Variants in EFCAB5 observed in about 807,000 individuals in gnomAD.
The protein encoded by EFCAB5 is EF-hand calcium binding domain 5.
A neutral mutation model predicts 167.9 loss-of-function variants in EFCAB5; 131 were observed. The observed-to-expected ratio is 0.78, with a 90% confidence interval of 0.68 to 0.90. The LOEUF (loss-of-function observed/expected upper bound fraction) is 0.90, where lower values mean the gene tolerates loss of function less well. Ranked by LOEUF, EFCAB5 falls within the 40% of genes least tolerant of loss-of-function variation. The probability of loss-of-function intolerance (pLI) is 0.00; values close to 1 mark genes in which losing one functional copy is unlikely to be tolerated. For synonymous variants in EFCAB5, 574 were observed against 602.8 expected (o/e 0.95, Z 0.70); for missense variants, 1,663 against 1,745.2 (o/e 0.95, Z 0.84).
At chr17:30,078,525 T>C (rs1597778408) in intron 15 of EFCAB5, 21 bp downstream of exon 15, 6 of 1,532,980 alleles carry the variant, frequency 3.9e-6, no homozygotes, top group Admixed American at 4.4e-5. Context: ...TAAAGCAGTA[T>C]GTAAGAGGAA....
intron 22 of EFCAB5, among the ~76,000 whole-genome samples, chr17:30,098,935 C>T (rs2071342666): frequency 6.6e-6 from 1 of 152,170 alleles, no homozygotes; most frequent in Non-Finnish European, 1.5e-5. Context: ...TGGCTTCTTT[C>T]ACTCAGCATG....
intron 10 of EFCAB5, 66 bp from the exon 11 acceptor site, chr17:30,055,822 A>G (rs2151787366): frequency 7.2e-6 from 11 of 1,535,344 alleles, no homozygotes; most frequent in East Asian, 2.2e-5. Flanking sequence ...ATCACTTATT[A>G]ACCTTAAAAT....
rs569866137 is a variant in EFCAB5, at chr17:30,052,207, G to A, written c.1300+990G>A. Among the ~76,000 whole-genome samples, 10 of 152,072 alleles carry A rather than the reference G, an allele frequency of 6.6e-5. No homozygotes were observed. In the South Asian group the frequency reaches 1.5e-3, roughly 22 times the overall value. On this transcript the variant is annotated intron_variant, in intron 9 of 22. Transcript: ENST00000394835. ...TGAGACAGAGTCTCGCTCTGTTGCC[G>A]AGGCTGGAGTACAATGGCGCGATCT...
chr17:29,967,206 A>C (rs1444608347), intron 3 of EFCAB5, among the ~76,000 whole-genome samples: 1 of 152,214 alleles, frequency 6.6e-6, no homozygotes, highest in Non-Finnish European at 1.5e-5. Flanking sequence ...ACATTCTGTG[A>C]ATGTGTGCTT....
intron 19 of EFCAB5, 90 bp from the exon 20 acceptor site, chr17:30,090,331 G>C (rs747892706): frequency 1.2e-4 from 183 of 1,486,134 alleles, no homozygotes; most frequent in Non-Finnish European, 1.4e-4. Context: ...AAGTGAGGTA[G>C]GCACAAGAGA....
Position 30,104,989 on chromosome 17 carries a change from T to C in EFCAB5, c.4322-2845T>C, listed in dbSNP as rs372322217. Among the ~76,000 whole-genome samples the C allele has an allele frequency of 1.4e-4, 21 of 152,046 alleles. No individual in the cohort carries two copies. In the East Asian group the frequency reaches 2.5e-3, roughly 18 times the overall value. On this transcript the variant is annotated intron_variant, in intron 22 of 22. Coordinates refer to ENST00000394835, the MANE Select transcript of EFCAB5 (RefSeq NM_198529.4). Reference sequence around the variant, plus strand: ...CGTGGATGTTCAGATAAGAACACTGTGGCAGGGGTCAAAGGAACAGAGCTC... The same window carrying C: ...CGTGGATGTTCAGATAAGAACACTGCGGCAGGGGTCAAAGGAACAGAGCTC...
chr17:30,085,036 C>A (rs1271516372), intron 18 of EFCAB5, among the ~76,000 whole-genome samples: 1 of 152,176 alleles, frequency 6.6e-6, no homozygotes, highest in Non-Finnish European at 1.5e-5. Flanking sequence ...ACAGCTCTTC[C>A]TTATTACCAG....
At chr17:29,979,235 A>C (rs2068123071) in intron 4 of EFCAB5, among the ~76,000 whole-genome samples, 1 of 152,062 alleles carries the variant, frequency 6.6e-6, no homozygotes, top group East Asian at 1.9e-4. Flanking sequence ...CTGTAGTCCC[A>C]GCTACTCGAG....
At chr17:29,943,543 GA>G (rs1380841667) in intron 2 of EFCAB5, 21 bp from the exon 3 acceptor site, 5 of 1,545,282 alleles carry the variant, frequency 3.2e-6, no homozygotes, top group Non-Finnish European at 4.4e-6. Context: ...TGAAATTGGT[GA>G]TTTTTTTCCT....
chr17:30,033,223 C>A (rs910440988), intron 7 of EFCAB5, among the ~76,000 whole-genome samples: 3 of 152,070 alleles, frequency 2.0e-5, no homozygotes, highest in Admixed American at 2.0e-4. Context: ...GGACTGCAGG[C>A]GCCCGCCACC....
intron 7 of EFCAB5, among the ~76,000 whole-genome samples, chr17:30,031,469 T>G (rs888442453): frequency 6.6e-6 from 1 of 152,236 alleles, no homozygotes; most frequent in African/African-American, 2.4e-5. Context: ...AAGATGTTCT[T>G]GGCCAATTTG....
chr17:30,075,181 C>T (rs1333052905), intron 14 of EFCAB5, among the ~76,000 whole-genome samples: 3 of 152,084 alleles, frequency 2.0e-5, no homozygotes, highest in African/African-American at 7.2e-5. Context: ...TCCATTAGTT[C>T]TATATGGAAC....
At chr17:30,029,262 G>A (rs1025197157) in intron 7 of EFCAB5, among the ~76,000 whole-genome samples, 2 of 152,160 alleles carry the variant, frequency 1.3e-5, no homozygotes, top group African/African-American at 4.8e-5. Flanking sequence ...AGTAAAAAAT[G>A]CATTTAATTC....
At chr17:30,015,292 C>T (rs1244078524) in intron 7 of EFCAB5, among the ~76,000 whole-genome samples, 5 of 152,076 alleles carry the variant, frequency 3.3e-5, no homozygotes, top group Non-Finnish European at 7.4e-5. Context: ...TTGCTCTTCT[C>T]GAGGAGTATC....
intron 3 of EFCAB5, among the ~76,000 whole-genome samples, chr17:29,958,150 T>G (rs982156212): frequency 3.3e-5 from 5 of 152,224 alleles, no homozygotes; most frequent in African/African-American, 1.2e-4. Context: ...TAATTTTATT[T>G]TATTAAGAAA....
chr17:30,020,113 C>T (rs1165758783), intron 7 of EFCAB5, among the ~76,000 whole-genome samples: 1 of 152,040 alleles, frequency 6.6e-6, no homozygotes. Flanking sequence ...ACATTTCCTT[C>T]TTTTTTAAGG....
chr17:30,012,347 G>A (rs2068924979), intron 7 of EFCAB5, among the ~76,000 whole-genome samples: 1 of 152,172 alleles, frequency 6.6e-6, no homozygotes, highest in African/African-American at 2.4e-5. Context: ...TGCTTCAGTG[G>A]TCACGCTCCT....
rs138513212 is a variant in EFCAB5 at position 30,011,613 on chromosome 17, T to C, written c.1044+11637T>C. Among the ~76,000 whole-genome samples, 947 of 152,306 alleles carry C rather than the reference T, an allele frequency of 6.2e-3. 7 individuals are homozygous for C. The highest frequency in any genetic ancestry group is 0.022 in the African/African-American group (904 of 41,552). ...ATGATTTGGCTCTCTGTTTGTCTGT[T>C]ATTGGTGTATCAGAATGCTTGTGAT... On this transcript the variant is annotated intron_variant, in intron 7 of 22. Transcript: ENST00000394835.
At chr17:30,058,340 C>T (rs1337408466) in intron 13 of EFCAB5, among the ~76,000 whole-genome samples, 1 of 152,156 alleles carries the variant, frequency 6.6e-6, no homozygotes, top group Non-Finnish European at 1.5e-5. Context: ...CAGGTAAGTG[C>T]ATACACATTA....
Sources: allele counts gnomAD v4.1 joint callset (sites outside exome capture counted in the v4.1 genomes callset), GRCh38; gene constraint gnomAD v4.1.1; transcripts MANE v1.5; gene names NCBI Gene and HGNC (gene_info 2026-07-23, HGNC 2026-07-21).